The following KCNIP4 variants were observed in gnomAD, a reference collection of about 807,000 sequenced individuals.
KCNIP4 encodes the protein Kv channel-interacting protein 4.
Under a neutral mutation model 34.0 loss-of-function variants are expected in KCNIP4, and 12 were observed. That is an observed-to-expected ratio of 0.35 (90% confidence interval 0.23 to 0.57). KCNIP4 has a LOEUF of 0.57. Among genes scored for constraint, KCNIP4 ranks in the 20% least tolerant of loss-of-function variants. The probability of loss-of-function intolerance (pLI) is 0.83; values close to 1 mark genes in which losing one functional copy is unlikely to be tolerated. For missense variants in KCNIP4, 238 were observed against 311.7 expected (o/e 0.76, Z 1.78); for synonymous variants, 124 against 102.2 (o/e 1.21, Z -1.29).
At chr4:20,870,128 A>C (rs535408444) in intron 2 of KCNIP4, among the ~76,000 whole-genome samples, 7 of 152,270 alleles carry the variant, frequency 4.6e-5, no homozygotes, top group Admixed American at 4.6e-4. Flanking sequence ...GTCCAAAGAC[A>C]CAGAGTGATA....
rs139809995 is a variant in KCNIP4 at position 21,595,813 on chromosome 4, T to C, written c.61+352758A>G. On this transcript the variant is annotated intron_variant, in intron 1 of 8. Transcript: ENST00000382152. ...AACCTAAATAGTACCATCTAGTCCC[T>C]GAAAAAATATTTATTGACAATCTAC... is the stretch of plus-strand genomic sequence containing the variant. Among the ~76,000 whole-genome samples the C allele has an allele frequency of 2.8e-3, 429 of 152,216 alleles. 3 individuals are homozygous for C. The highest frequency in any genetic ancestry group is 9.8e-3 in the African/African-American group (409 of 41,538).
chr4:21,230,073 C>A (rs1218957430), intron 1 of KCNIP4, among the ~76,000 whole-genome samples: 1 of 152,070 alleles, frequency 6.6e-6, no homozygotes, highest in African/African-American at 2.4e-5. Flanking sequence ...GTGGTCAAAT[C>A]CAATGGCTGG....
At chr4:21,630,074 G>A (rs1467453816) in intron 1 of KCNIP4, among the ~76,000 whole-genome samples, 1 of 148,176 alleles carries the variant, frequency 6.7e-6, no homozygotes, top group East Asian at 2.0e-4. Flanking sequence ...ATGTTTCCCA[G>A]GCTGTTCTCA....
At chr4:21,084,845 A>G (rs1162727468) in intron 1 of KCNIP4, among the ~76,000 whole-genome samples, 1 of 151,342 alleles carries the variant, frequency 6.6e-6, no homozygotes, top group Non-Finnish European at 1.5e-5. Flanking sequence ...CCTTATCCAA[A>G]TATATGATTC....
At chr4:21,494,609 C>T (rs1424608493) in intron 1 of KCNIP4, among the ~76,000 whole-genome samples, 1 of 151,752 alleles carries the variant, frequency 6.6e-6, no homozygotes, top group Non-Finnish European at 1.5e-5. Flanking sequence ...CCTGTCTGTA[C>T]TAAAAATACA....
intron 1 of KCNIP4, among the ~76,000 whole-genome samples, chr4:21,489,991 T>G (rs1205658636): frequency 2.6e-5 from 4 of 152,186 alleles, no homozygotes; most frequent in Non-Finnish European, 5.9e-5. Context: ...TTAATTTACT[T>G]TTTGCATAAT....
chr4:20,825,221 T>A (rs1284419541), intron 3 of KCNIP4, among the ~76,000 whole-genome samples: 1 of 128,020 alleles, frequency 7.8e-6, no homozygotes. Context: ...CTGGTCAATT[T>A]TACGTTTTTT....
intron 1 of KCNIP4, among the ~76,000 whole-genome samples, chr4:21,930,243 A>G (rs1206081887): frequency 6.6e-6 from 1 of 152,102 alleles, no homozygotes; most frequent in East Asian, 1.9e-4. Flanking sequence ...TCTTCCACTT[A>G]TTCTGATACA....
chr4:21,589,327 CGT>C (rs1395480671), intron 1 of KCNIP4, among the ~76,000 whole-genome samples: 1 of 139,300 alleles, frequency 7.2e-6, no homozygotes, highest in Non-Finnish European at 1.6e-5. Context: ...TACATATACA[CGT>C]GTATATATAT....
intron 1 of KCNIP4, among the ~76,000 whole-genome samples, chr4:21,613,007 G>T (rs150104832): frequency 6.2e-4 from 94 of 152,210 alleles, no homozygotes; most frequent in Non-Finnish European, 9.6e-4. Flanking sequence ...GAGAGAAAAA[G>T]GCCCTGTTCA....
chr4:20,845,607 A>G (rs1243330993), intron 3 of KCNIP4, among the ~76,000 whole-genome samples: 1 of 152,172 alleles, frequency 6.6e-6, no homozygotes, highest in Non-Finnish European at 1.5e-5. Flanking sequence ...AGATGCGCAC[A>G]TAACACAGAG....
chr4:21,257,192 G>C (rs1304512061), intron 1 of KCNIP4, among the ~76,000 whole-genome samples: 1 of 152,166 alleles, frequency 6.6e-6, no homozygotes, highest in Non-Finnish European at 1.5e-5. Context: ...AAAGGCACAA[G>C]TTTGTGAATA....
chr4:21,588,773 T>TG (rs1741865427), intron 1 of KCNIP4, among the ~76,000 whole-genome samples: 1 of 151,760 alleles, frequency 6.6e-6, no homozygotes, highest in Non-Finnish European at 1.5e-5. Context: ...TAGCCAAGAA[T>TG]GGGATTTTAT....
At chr4:21,126,015 A>T (rs1207873264) in intron 1 of KCNIP4, among the ~76,000 whole-genome samples, 1 of 152,108 alleles carries the variant, frequency 6.6e-6, no homozygotes, top group Non-Finnish European at 1.5e-5. Flanking sequence ...GATGTAAAGT[A>T]TTAGCAGTGA....
chr4:20,876,878 G>T (rs1724101718), intron 2 of KCNIP4, among the ~76,000 whole-genome samples: 1 of 152,106 alleles, frequency 6.6e-6, no homozygotes, highest in Admixed American at 6.6e-5. Flanking sequence ...GGCCCATGAA[G>T]AAATCTTATA....
At chr4:21,573,311 T>G (rs1371805252) in intron 1 of KCNIP4, among the ~76,000 whole-genome samples, 2 of 152,176 alleles carry the variant, frequency 1.3e-5, no homozygotes, top group African/African-American at 4.8e-5. Flanking sequence ...CCCCACTTTA[T>G]GACTGAGGGA....
chr4:21,709,959 A>G (rs1246824670), intron 1 of KCNIP4, among the ~76,000 whole-genome samples: 1 of 152,198 alleles, frequency 6.6e-6, no homozygotes, highest in Admixed American at 6.5e-5. Context: ...TATAATGATA[A>G]CCACCAGAGC....
At chr4:21,140,520 A>C (rs1459591445) in intron 1 of KCNIP4, among the ~76,000 whole-genome samples, 1 of 152,118 alleles carries the variant, frequency 6.6e-6, no homozygotes, top group Non-Finnish European at 1.5e-5. Flanking sequence ...CTCGATTTTA[A>C]TTTAAAACTT....
chr4:21,294,125 T>G (rs982628761), intron 1 of KCNIP4, among the ~76,000 whole-genome samples: 3 of 152,224 alleles, frequency 2.0e-5, no homozygotes, highest in African/African-American at 7.2e-5. Context: ...TCATAGTGCC[T>G]GACATATGCT....
Sources: allele counts gnomAD v4.1 joint callset (sites outside exome capture counted in the v4.1 genomes callset), GRCh38; gene constraint gnomAD v4.1.1; transcripts MANE v1.5; gene names NCBI Gene and HGNC (gene_info 2026-07-23, HGNC 2026-07-21).